CFH: variants seen among roughly 807,000 people sequenced by gnomAD.
The protein encoded by CFH is complement factor H.
Under a neutral mutation model 147.3 loss-of-function variants are expected in CFH, and 53 were observed. That is an observed-to-expected ratio of 0.36 (90% CI 0.29 to 0.45). The LOEUF is 0.45. CFH is among the 20% of genes least tolerant of loss of function. The probability of loss-of-function intolerance (pLI) is 1.00; values close to 1 mark genes in which losing one functional copy is unlikely to be tolerated. For missense variants in CFH, 1,380 were observed against 1,498.0 expected (o/e 0.92, Z 1.30); for synonymous variants, 536 against 489.4 (o/e 1.10, Z -1.26).
chr1:196,718,026 A>G (rs1668912670), intron 11 of CFH, among the ~76,000 whole-genome samples: 1 of 152,112 alleles, frequency 6.6e-6, no homozygotes, highest in South Asian at 2.1e-4. Context: ...ACTAGGTAGA[A>G]TAGAAAAGTT....
chr1:196,742,134 G>A (rs1573081410), intron 19 of CFH, 83 bp downstream of exon 19: 2 of 1,356,976 alleles, frequency 1.5e-6, no homozygotes, highest in Middle Eastern at 2.1e-4. Flanking sequence ...CAGCACTTTG[G>A]GAGGCCGAGG....
Position 196,726,597 on chromosome 1 carries a change from A to C in CFH, c.2001A>C (p.Gly667=). 6.2e-6 allele frequency: 10 copies of C among 1,612,352 alleles called. No homozygotes were observed. Among genetic ancestry groups the C allele is most frequent in the Non-Finnish European group, 8.5e-6 (10 of 1,178,462 alleles). The change falls in exon 13 of 22, where the codon GGA becomes GGC. Residue 667 remains glycine, a synonymous_variant. Transcript: ENST00000367429. ...GCAATCCTAGATTTCTAATGAAGGGACCTAATAAAATTCAATGTGTTGATG... is the reference window on the plus strand; with the variant it reads ...GCAATCCTAGATTTCTAATGAAGGGCCCTAATAAAATTCAATGTGTTGATG... ...YYCNPRFLMK[G]PNKIQCVDGE... is the part of the protein sequence containing the mutation.
At chr1:196,689,646 T>C in intron 8 of CFH, 32 bp downstream of exon 8, 5 of 1,607,326 alleles carry the variant, frequency 3.1e-6, no homozygotes, top group East Asian at 2.2e-5. Context: ...TATATATATG[T>C]ATAAAACTTT....
rs1405829658 is a variant in CFH, at chr1:196,747,170, G to C, written c.3553G>C (p.Ala1185Pro). 5 of 1,613,846 alleles carry C rather than the reference G, an allele frequency of 3.1e-6. No individual in the cohort carries two copies. The Admixed American group carries it at 8.3e-5, about 27-fold the overall frequency. ...TTATAACATAGCATTAAGGTGGACAGCCAAACAGAAGCTTTATTCGAGAAC... is the reference window on the plus strand; with the variant it reads ...TTATAACATAGCATTAAGGTGGACACCCAAACAGAAGCTTTATTCGAGAAC... ...ENYNIALRWT[A>P]KQKLYSRTGE... Residue 1185 changes from alanine to proline, a missense_variant, in exon 22 of 22, where the codon GCC becomes CCC. Around this residue, in one of 4 missense-constraint regions of CFH, gnomAD observed 123 missense variants for 185.3 expected, o/e 0.66. Transcript: ENST00000367429.
intron 9 of CFH, among the ~76,000 whole-genome samples, chr1:196,712,496 T>G (rs1013459332): frequency 6.6e-6 from 1 of 151,844 alleles, no homozygotes; most frequent in Non-Finnish European, 1.5e-5. Context: ...ATCATTCAAT[T>G]CAAAATATTT....
At chr1:196,730,585 C>A (rs1179509658) in intron 15 of CFH, among the ~76,000 whole-genome samples, 1 of 151,634 alleles carries the variant, frequency 6.6e-6, no homozygotes, top group Non-Finnish European at 1.5e-5. Context: ...TATGTCTGTC[C>A]AATCTATTTG....
intron 9 of CFH, among the ~76,000 whole-genome samples, chr1:196,698,160 T>TA (rs1033239636): frequency 6.6e-6 from 1 of 151,272 alleles, no homozygotes; most frequent in African/African-American, 2.4e-5. Context: ...ATAATAATAA[T>TA]AAAAAAAGAA....
chr1:196,687,230 C>G (rs1296222835), intron 7 of CFH, among the ~76,000 whole-genome samples: 1 of 151,936 alleles, frequency 6.6e-6, no homozygotes, highest in East Asian at 1.9e-4. Flanking sequence ...ATGGAAACAC[C>G]ATAAATGCTG....
chr1:196,714,668 T>TATATAGAGAGAGAGAGAGAGAG (rs1362376856), intron 10 of CFH, among the ~76,000 whole-genome samples: 1 of 21,306 alleles, frequency 4.7e-5, no homozygotes, highest in African/African-American at 1.7e-4. Context: ...TATATATATA[T>TATATAGAGAGAGAGAGAGAGAG]AGAGAGAGAG....
intron 9 of CFH, among the ~76,000 whole-genome samples, chr1:196,696,274 T>G (rs1395059184): frequency 6.6e-6 from 1 of 152,068 alleles, no homozygotes; most frequent in African/African-American, 2.4e-5. Context: ...CAGACCACAG[T>G]GAAATCAAAT....
Position 196,728,534 on chromosome 1 carries a change from T to G in CFH, c.2413+12T>G. 6.2e-7 allele frequency: 1 copy of G among 1,611,728 alleles called. No individual in the cohort carries two copies. Among genetic ancestry groups the G allele is most frequent in the Non-Finnish European group, 8.5e-7 (1 of 1,178,326 alleles). On this transcript the variant is annotated intron_variant, in intron 15 of 21. Coordinates refer to ENST00000367429, the MANE Select transcript of CFH (RefSeq NM_000186.4). ...AGTGAACTGCTCAAGTAAGCTCTTA[T>G]TTTGTTTTCAGAAATGTATTCTATT...
At chr1:196,731,436 G>T (rs1442502312) in intron 15 of CFH, among the ~76,000 whole-genome samples, 11 of 151,900 alleles carry the variant, frequency 7.2e-5, no homozygotes. Context: ...CACATGCTTT[G>T]CATCTTTCAA....
At chr1:196,709,378 C>G (rs1668671878) in intron 9 of CFH, among the ~76,000 whole-genome samples, 1 of 152,124 alleles carries the variant, frequency 6.6e-6, no homozygotes, top group South Asian at 2.1e-4. Context: ...CTGGGTATAA[C>G]AGCTTGCAGG....
intron 1 of CFH, among the ~76,000 whole-genome samples, chr1:196,663,115 A>T (rs1395650026): frequency 6.6e-6 from 1 of 152,094 alleles, no homozygotes; most frequent in Non-Finnish European, 1.5e-5. Context: ...ATTCCTTATG[A>T]TGCATATAGG....
rs781371850 is a variant in CFH, at chr1:196,701,342, G to A, written c.1336+11103G>A. ...GGCTTTACCCTCTGAACTTCTGATC[G>A]AAGGTCATCCCTCTCCAGCTTGAGT... On this transcript the variant is annotated intron_variant, in intron 9 of 21. Transcript: ENST00000367429. The A allele has an allele frequency of 2.5e-5, 40 of 1,613,508 alleles. No individual in the cohort carries two copies. In the Admixed American group the frequency reaches 2.5e-4, roughly 10 times the overall value.
At chr1:196,699,367 T>G (rs1035707451) in intron 9 of CFH, among the ~76,000 whole-genome samples, 2 of 152,214 alleles carry the variant, frequency 1.3e-5, no homozygotes, top group Non-Finnish European at 2.9e-5. Context: ...GTCTAAATTT[T>G]GCCCACTTTC....
intron 1 of CFH, among the ~76,000 whole-genome samples, chr1:196,658,819 C>T (rs949615641): frequency 6.6e-6 from 1 of 152,138 alleles, no homozygotes; most frequent in Admixed American, 6.5e-5. Flanking sequence ...ATCCTCTTGA[C>T]TTGGCATGTC....
At chr1:196,740,438 C>T (rs1205988605) in intron 17 of CFH, among the ~76,000 whole-genome samples, 181 bp from the exon 18 acceptor site, 2 of 152,146 alleles carry the variant, frequency 1.3e-5, no homozygotes, top group Non-Finnish European at 2.9e-5. Context: ...CAGTTGGTGA[C>T]AGTCCGATAG....
intron 9 of CFH, chr1:196,701,510 AG>A: frequency 1.1e-6 from 1 of 891,480 alleles, no homozygotes; most frequent in South Asian, 1.7e-5. Context: ...CAGCTCCTCC[AG>A]GCAGCCCAAT....
Sources: gnomAD v4.1 joint callset for allele counts (sites outside exome capture counted in the v4.1 genomes callset) on GRCh38, gnomAD v4.1.1 for gene constraint, gnomAD v4.1.1 regional missense constraint, MANE v1.5 for transcripts, NCBI Gene and HGNC (gene_info 2026-07-23, HGNC 2026-07-21) for gene names.